Variants in TBCK observed in about 807,000 individuals in gnomAD.
TBCK encodes TBC domain-containing protein kinase-like protein.
In TBCK, 99 loss-of-function variants were observed where a neutral mutation model predicts 113.4. The ratio of observed to expected loss-of-function variants is 0.87; its 90% CI spans 0.74 to 1.03. TBCK has a LOEUF of 1.03. TBCK is among the 50% of genes least tolerant of loss of function. TBCK has a pLI of 0.00. For missense variants in TBCK, 1,045 were observed against 1,061.3 expected (o/e 0.98, Z 0.21); for synonymous variants, 369 against 370.8 (o/e 1.00, Z 0.05).
At chr4:106,204,806 C>T (rs1324425513) in intron 20 of TBCK, among the ~76,000 whole-genome samples, 2 of 139,930 alleles carry the variant, frequency 1.4e-5, no homozygotes, top group Admixed American at 1.5e-4. Context: ...TCGCCCAGGC[C>T]GGACTGCGGA....
intron 12 of TBCK, among the ~76,000 whole-genome samples, chr4:106,237,292 T>C (rs1446949581): frequency 1.3e-5 from 2 of 152,156 alleles, no homozygotes; most frequent in African/African-American, 2.4e-5. Context: ...CATCATACTT[T>C]GAACATGTAT....
In TBCK at chr4:106,193,679, A is replaced by C. The variant is rs780348898; in HGVS notation, c.1989T>G (p.Leu663=). The part of the protein sequence containing the change: ...SFPFCIGVAI[L]QQLRDRLLAN... ...CCAAAAGCCGGTCCCGCAGCTGCTG[A>C]AGAATTGCTACTCCAATACAGAATG... The change falls in exon 22 of 26, where the codon CTT becomes CTG. Residue 663 remains leucine (L), a synonymous_variant. Coordinates refer to ENST00000394708, the MANE Select transcript of TBCK (RefSeq NM_001163435.3). 1.5e-5 allele frequency: 24 copies of C among 1,613,452 alleles called. No homozygotes were observed. Among genetic ancestry groups the C allele is most frequent in the Non-Finnish European group, 2.0e-5 (24 of 1,179,692 alleles).
At chr4:106,313,362 A>C (rs1768394027) in intron 1 of TBCK, among the ~76,000 whole-genome samples, 1 of 151,666 alleles carries the variant, frequency 6.6e-6, no homozygotes, top group Admixed American at 6.6e-5. Context: ...ACACAGTGAG[A>C]CTCCAGCTCA....
chr4:106,120,588 A>G (rs928636813), intron 23 of TBCK, among the ~76,000 whole-genome samples: 1 of 152,186 alleles, frequency 6.6e-6, no homozygotes, highest in African/African-American at 2.4e-5. Context: ...TGAAGAGAGC[A>G]GTGGTTCTCT....
At chr4:106,294,650 T>G (rs1019565683) in intron 3 of TBCK, among the ~76,000 whole-genome samples, 11 of 151,712 alleles carry the variant, frequency 7.3e-5, no homozygotes, top group Non-Finnish European at 1.2e-4. Context: ...TCCAGCTAAT[T>G]TTTTGTATTT....
rs373606774 is a variant in TBCK at position 106,095,463 on chromosome 4, C to T, written c.2571+19G>A. 6.8e-6 allele frequency: 11 copies of T among 1,608,498 alleles called. No homozygotes were observed. The highest frequency in any genetic ancestry group is 1.3e-5 in the African/African-American group (1 of 74,710). On this transcript the variant is annotated intron_variant, in intron 25 of 25. Coordinates refer to ENST00000394708, the MANE Select transcript of TBCK (RefSeq NM_001163435.3). ...AATCACTCATCATATGTACATATGACATTTCTGAATATACTTACCTCAGCT... is the reference window on the plus strand; with the variant it reads ...AATCACTCATCATATGTACATATGATATTTCTGAATATACTTACCTCAGCT...
At chr4:106,264,435 C>T (rs1046019451) in intron 3 of TBCK, among the ~76,000 whole-genome samples, 1 of 151,824 alleles carries the variant, frequency 6.6e-6, no homozygotes, top group African/African-American at 2.4e-5. Flanking sequence ...GTATTCAGTG[C>T]GTGCAGTAGA....
intron 25 of TBCK, among the ~76,000 whole-genome samples, chr4:106,067,388 A>T (rs1041006277): frequency 6.6e-6 from 1 of 152,110 alleles, no homozygotes; most frequent in African/African-American, 2.4e-5. Context: ...TTGCATATTG[A>T]TTTTGTATTC....
intron 12 of TBCK, among the ~76,000 whole-genome samples, chr4:106,242,177 A>G (rs73838171): frequency 2.3e-3 from 347 of 152,220 alleles, no homozygotes; most frequent in African/African-American, 7.7e-3. Flanking sequence ...TTTCCATACC[A>G]TTAGATTAAC....
Position 106,311,190 on chromosome 4 carries a change from C to T in TBCK, c.-29-2201G>A, listed in dbSNP as rs185254735. 6.5e-4 allele frequency among the ~76,000 whole-genome samples: 89 copies of T among 136,614 alleles called. 1 individual carries two copies. Among genetic ancestry groups the T allele is most frequent in the Middle Eastern group, 3.6e-3 (1 of 274 alleles). 89.6% of individuals were successfully genotyped at this position (136,614 alleles called of 152,430 possible). The stretch of plus-strand genomic sequence containing the variant: ...ACACTATCTTGCTATTATATTCCTA[C>T]AGAAACTCCTACACACACACACACA... On this transcript the variant is annotated intron_variant, in intron 1 of 25. Coordinates refer to ENST00000394708, the MANE Select transcript of TBCK (RefSeq NM_001163435.3).
intron 23 of TBCK, among the ~76,000 whole-genome samples, chr4:106,164,919 G>A (rs1750193620): frequency 6.6e-6 from 1 of 151,524 alleles, no homozygotes; most frequent in South Asian, 2.1e-4. Context: ...TAAACTGAAG[G>A]TAATGCAATA....
intron 3 of TBCK, among the ~76,000 whole-genome samples, chr4:106,265,051 AAT>A: frequency 6.6e-6 from 1 of 152,012 alleles, no homozygotes; most frequent in African/African-American, 2.4e-5. Context: ...ATTTCAGCCC[AAT>A]ATGTCTAATG....
chr4:106,284,340 C>T (rs1764910462), intron 3 of TBCK, among the ~76,000 whole-genome samples: 1 of 152,060 alleles, frequency 6.6e-6, no homozygotes, highest in Non-Finnish European at 1.5e-5. Flanking sequence ...CAGAATGTGT[C>T]CAAATTCTTT....
intron 25 of TBCK, among the ~76,000 whole-genome samples, chr4:106,052,562 G>A (rs1226102964): frequency 6.6e-6 from 1 of 151,518 alleles, no homozygotes; most frequent in African/African-American, 2.4e-5. Flanking sequence ...CAATCTTTGA[G>A]GTTAGGAAAT....
intron 19 of TBCK, among the ~76,000 whole-genome samples, chr4:106,224,844 C>T (rs1325857012): frequency 2.0e-5 from 3 of 152,142 alleles, no homozygotes; most frequent in African/African-American, 7.2e-5. Flanking sequence ...GAAATTCCTA[C>T]TCAAACTTCA....
chr4:106,219,308 C>G (rs1757386840), intron 19 of TBCK, among the ~76,000 whole-genome samples: 1 of 151,004 alleles, frequency 6.6e-6, no homozygotes, highest in African/African-American at 2.4e-5. Flanking sequence ...CAGCATGGCA[C>G]ATGTATACGT....
intron 12 of TBCK, among the ~76,000 whole-genome samples, chr4:106,242,233 G>A (rs1760227590): frequency 6.6e-6 from 1 of 151,944 alleles, no homozygotes; most frequent in South Asian, 2.1e-4. Flanking sequence ...GGTAAATAAA[G>A]AAATGAGAAC....
chr4:106,236,532 A>T lies in TBCK; in HGVS notation c.1221-13T>A, dbSNP rs1759484280. The T allele has an allele frequency of 6.8e-7, 1 of 1,474,500 alleles. No individual in the cohort carries two copies. The highest frequency in any genetic ancestry group is 2.4e-5 in the Admixed American group (1 of 41,102). 91.3% of individuals were successfully genotyped at this position (1,474,500 alleles called of 1,614,324 possible). ...TAAATTAGACTGGCTGTAAAAGAGA[A>T]CAAAAGCAATAAAAAAAAAAAATGG... On this transcript the variant is annotated splice_polypyrimidine_tract_variant and intron_variant, in intron 13 of 25. Coordinates refer to ENST00000394708, the MANE Select transcript of TBCK (RefSeq NM_001163435.3).
At chr4:106,156,737 C>T (rs1412083096) in intron 23 of TBCK, among the ~76,000 whole-genome samples, 1 of 152,082 alleles carries the variant, frequency 6.6e-6, no homozygotes, top group Non-Finnish European at 1.5e-5. Context: ...GTGAATGCTG[C>T]CTGGCCTGGG....
Sources: gnomAD v4.1 joint callset for allele counts (sites outside exome capture counted in the v4.1 genomes callset) on GRCh38, gnomAD v4.1.1 for gene constraint, MANE v1.5 for transcripts, NCBI Gene and HGNC (gene_info 2026-07-23, HGNC 2026-07-21) for gene names.